The following CELF2 variants were observed in gnomAD, a reference collection of about 807,000 sequenced individuals.
CELF2 encodes CUG triplet repeat RNA-binding protein 2.
In CELF2, 8 loss-of-function variants were observed where a neutral mutation model predicts 62.6. The ratio of observed to expected loss-of-function variants is 0.13; its 90% CI spans 0.07 to 0.23. The LOEUF is 0.23. Among genes scored for constraint, CELF2 ranks in the 10% least tolerant of loss-of-function variants. The pLI is 1.00. For synonymous variants in CELF2, 258 were observed against 250.0 expected (o/e 1.03, Z -0.30); for missense variants, 333 against 671.0 (o/e 0.50, Z 5.56).
chr10:10,987,638 A>T (rs563951833), intron 2 of CELF2, among the ~76,000 whole-genome samples: 4 of 152,320 alleles, frequency 2.6e-5, no homozygotes, highest in Admixed American at 6.5e-5. Context: ...GAAAATAAAA[A>T]GATGTTTTAG....
At chr10:10,979,090 C>T (rs949552578) in intron 2 of CELF2, among the ~76,000 whole-genome samples, 1 of 152,188 alleles carries the variant, frequency 6.6e-6, no homozygotes, top group South Asian at 2.1e-4. Context: ...TTCTCTGCCC[C>T]CAGGTTTGGC....
chr10:10,750,317 A>G, the CELF2 span, among the ~76,000 whole-genome samples: 8 of 152,174 alleles, frequency 5.3e-5, no homozygotes, highest in Non-Finnish European at 1.2e-4. Context: ...AATGCCACTA[A>G]TTCTCCATCA....
intron 1 of CELF2, among the ~76,000 whole-genome samples, chr10:10,831,500 A>G (rs2057853892): frequency 6.6e-6 from 1 of 152,238 alleles, no homozygotes; most frequent in African/African-American, 2.4e-5. Flanking sequence ...ATGTGATGGC[A>G]AGATCGATGT....
intron 1 of CELF2, among the ~76,000 whole-genome samples, chr10:10,877,030 C>T (rs533526519): frequency 6.6e-6 from 1 of 152,292 alleles, no homozygotes; most frequent in East Asian, 1.9e-4. Flanking sequence ...GTGTTAGCGT[C>T]CTTCTACAAG....
At chr10:10,648,813 G>C in the CELF2 span, among the ~76,000 whole-genome samples, 3 of 152,174 alleles carry the variant, frequency 2.0e-5, no homozygotes, top group Admixed American at 6.5e-5. Context: ...CAAAATATTA[G>C]AGCAAGCTTA....
intron 1 of CELF2, among the ~76,000 whole-genome samples, chr10:10,837,700 G>T (rs2058394151): frequency 6.6e-6 from 1 of 152,146 alleles, no homozygotes; most frequent in South Asian, 2.1e-4. Flanking sequence ...AAACTTTGGA[G>T]TCATTTTCAA....
chr10:11,246,914 C>A lies in CELF2; in HGVS notation c.355-2239C>A, dbSNP rs1284606128. On this transcript the variant is annotated intron_variant, in intron 3 of 12. Transcript: ENST00000633077. This position sits in a 1 kb window ranked among gnomAD's most constrained non-coding sequence, Gnocchi z 4.6. ...TCACATCAACCTTAGCATGTCCAGA[C>A]CTGCGCTCGTCAGCCGCCTCTGAAA... 6.6e-6 allele frequency among the ~76,000 whole-genome samples: 1 copy of A among 152,216 alleles called. No homozygotes were observed. The highest frequency in any genetic ancestry group is 6.5e-5 in the Admixed American group (1 of 15,292).
the CELF2 span, among the ~76,000 whole-genome samples, chr10:10,611,178 C>A: frequency 1.3e-5 from 2 of 152,016 alleles, no homozygotes; most frequent in African/African-American, 4.8e-5. Context: ...CATGCAGATG[C>A]GGCCAGAACC....
At chr10:10,512,415 T>C in the CELF2 span, among the ~76,000 whole-genome samples, 1 of 148,320 alleles carries the variant, frequency 6.7e-6, no homozygotes, top group East Asian at 2.0e-4. Context: ...TTTTTTTTTT[T>C]TTTTTTTTTG....
intron 1 of CELF2, among the ~76,000 whole-genome samples, chr10:11,019,571 G>A (rs1002661223): frequency 1.3e-5 from 2 of 151,132 alleles, no homozygotes; most frequent in East Asian, 1.9e-4. Context: ...CCAATTATTT[G>A]AGCTGCAAGG....
chr10:11,258,099 A>G (rs2079354951), intron 5 of CELF2, among the ~76,000 whole-genome samples: 1 of 152,246 alleles, frequency 6.6e-6, no homozygotes, highest in African/African-American at 2.4e-5. Flanking sequence ...TATCACTGTC[A>G]GGTGTGAAGC....
At chr10:10,479,365 C>T in the CELF2 span, among the ~76,000 whole-genome samples, 1 of 152,138 alleles carries the variant, frequency 6.6e-6, no homozygotes, top group East Asian at 1.9e-4. Context: ...GACAGGGTTT[C>T]ACCATGTTGG....
At chr10:10,541,272 A>C in the CELF2 span, among the ~76,000 whole-genome samples, 1 of 151,040 alleles carries the variant, frequency 6.6e-6, no homozygotes, top group South Asian at 2.1e-4. Flanking sequence ...ACCCACACAC[A>C]TATAAAGGCT....
chr10:10,887,835 A>G (rs1307785839), intron 1 of CELF2, among the ~76,000 whole-genome samples: 1 of 151,278 alleles, frequency 6.6e-6, no homozygotes, highest in Non-Finnish European at 1.5e-5. Flanking sequence ...GCAATGCCAC[A>G]GTCTCGGCTC....
At chr10:11,208,529 C>T (rs947970989) in intron 2 of CELF2, among the ~76,000 whole-genome samples, 3 of 152,200 alleles carry the variant, frequency 2.0e-5, no homozygotes, top group Non-Finnish European at 2.9e-5. Flanking sequence ...CCTGCCTGTC[C>T]GCATTCTCCC....
chr10:11,332,065 C>CTTTTGATTATTTCTCATTTTTGGG lies in CELF2; in HGVS notation c.*3013_*3036dup, dbSNP rs2096035145. ...AAAAAATCCTACACTACTTTTACTA[C>CTTTTGATTATTTCTCATTTTTGGG]TTTTGATTATTTCTCATTTTTGGGA... is the stretch of plus-strand genomic sequence containing the variant. On this transcript the variant is annotated 3_prime_UTR_variant, in exon 13 of 13. Transcript: ENST00000633077. The CTTTTGATTATTTCTCATTTTTGGG allele has an allele frequency of 6.6e-6, 1 of 152,180 alleles. No homozygotes were observed. Among genetic ancestry groups the CTTTTGATTATTTCTCATTTTTGGG allele is most frequent in the Non-Finnish European group, 1.5e-5 (1 of 68,032 alleles). 9.4% of individuals were successfully genotyped at this position (152,180 alleles called of 1,614,324 possible). A position where few individuals can be genotyped will look rare whatever the true frequency, so the allele number is the denominator to read the frequency against.
At chr10:10,562,273 A>G in the CELF2 span, among the ~76,000 whole-genome samples, 1 of 152,092 alleles carries the variant, frequency 6.6e-6, no homozygotes, top group Non-Finnish European at 1.5e-5. Context: ...TCCACATAAA[A>G]CTGTGAATTA....
Position 11,260,733 on chromosome 10 carries a change from G to C in CELF2, c.538+2861G>C, listed in dbSNP as rs755382388. 1.8e-4 allele frequency among the ~76,000 whole-genome samples: 28 copies of C among 151,504 alleles called. No individual in the cohort carries two copies. Among genetic ancestry groups the C allele is most frequent in the Middle Eastern group, 6.8e-3 (2 of 294 alleles). Reference sequence around the variant, plus strand: ...GTTGCAAAAAAAGAAAAATAAGAAAGAAAGAAAATACTCATTTATAACCAT... The same window carrying C: ...GTTGCAAAAAAAGAAAAATAAGAAACAAAGAAAATACTCATTTATAACCAT... On this transcript the variant is annotated intron_variant, in intron 5 of 12. Coordinates refer to ENST00000633077, the MANE Select transcript of CELF2 (RefSeq NM_001326342.2). This position sits in a 1 kb window ranked among gnomAD's most constrained non-coding sequence, Gnocchi z 4.2.
At chr10:10,675,431 T>C in the CELF2 span, among the ~76,000 whole-genome samples, 2 of 152,150 alleles carry the variant, frequency 1.3e-5, no homozygotes, top group Non-Finnish European at 2.9e-5. Context: ...GATTTTCTTT[T>C]GTTTGAAAAT....
Sources: gnomAD v4.1 joint callset for allele counts (sites outside exome capture counted in the v4.1 genomes callset) on GRCh38, gnomAD v4.1.1 for gene constraint, Gnocchi (gnomAD v3.1) non-coding constraint, MANE v1.5 for transcripts, NCBI Gene and HGNC (gene_info 2026-07-23, HGNC 2026-07-21) for gene names.